KDM5A: variants seen among roughly 807,000 people sequenced by gnomAD.
KDM5A encodes lysine demethylase 5A.
A neutral mutation model predicts 193.5 loss-of-function variants in KDM5A; 42 were observed. The observed-to-expected ratio is 0.22, with a 90% CI of 0.17 to 0.28. The LOEUF is 0.28. KDM5A is among the 10% of genes least tolerant of loss of function. The pLI, the probability that KDM5A is intolerant of heterozygous loss-of-function variation, is 1.00. For missense variants in KDM5A, 1,692 were observed against 2,055.1 expected, an observed-to-expected ratio of 0.82 and a Z score of 3.42; for synonymous variants, 796 against 718.1, an observed-to-expected ratio of 1.11 and a Z score of -1.73.
rs1442186954 is a variant in KDM5A, at chr12:388,932, G to A, written c.160C>T (p.Pro54Ser). ...CTCTTCACAGACTGAGGTACCTTGG[G>A]CGGCCGAATTTTGCAGATGCCGGTT... is the stretch of plus-strand genomic sequence containing the variant. ...EKTGICKIRP[P>S]KDWQPPFACE... The change falls in exon 1 of 28, where the codon CCC becomes TCC. Residue 54 changes from proline (P) to serine (S), a missense_variant. Physicochemically the swap from Pro to Ser is moderately conservative, Grantham distance 74. Around this residue, in one of 11 missense-constraint regions of KDM5A, gnomAD observed 120 missense variants for 172.0 expected, o/e 0.70. Transcript: ENST00000399788. The A allele has an allele frequency of 6.2e-7, 1 of 1,614,220 alleles. No homozygotes were observed. The highest frequency in any genetic ancestry group is 1.7e-5 in the Admixed American group (1 of 60,030).
rs758407467 is a variant in KDM5A, at chr12:318,280, C to G, written c.2723G>C (p.Arg908Thr). The change falls in exon 19 of 28, where the codon AGA becomes ACA. Residue 908 changes from arginine to threonine, a missense_variant. Arg to Thr is a moderately conservative substitution (Grantham distance 71, BLOSUM62 -1). Transcript: ENST00000399788. ...TTGTTGCGGATCTGATAAGGTCAGT[C>G]TTACTTCGTCCAACCACCGAGCCTG... is the stretch of plus-strand genomic sequence containing the variant. ...LQQARWLDEV[R>T]LTLSDPQQVT... 9 of 1,614,008 alleles carry G rather than the reference C, an allele frequency of 5.6e-6. No individual in the cohort carries two copies. In the Admixed American group the frequency reaches 1.0e-4, roughly 18 times the overall value.
intron 24 of KDM5A, among the ~76,000 whole-genome samples, chr12:300,899 C>A (rs1358362447): frequency 6.6e-6 from 1 of 152,198 alleles, no homozygotes; most frequent in African/African-American, 2.4e-5. Flanking sequence ...ATACTATAAA[C>A]ATCTCTACCC....
intron 3 of KDM5A, among the ~76,000 whole-genome samples, chr12:381,483 A>G (rs915926808): frequency 6.6e-6 from 1 of 152,214 alleles, no homozygotes; most frequent in Non-Finnish European, 1.5e-5. Flanking sequence ...ACAGCATCAT[A>G]CAGCAAAACT....
chr12:281,716 T>C lies in KDM5A; in HGVS notation c.*3740A>G, dbSNP rs1448167367. The C allele has an allele frequency of 4.3e-6, 1 of 234,976 alleles. No homozygotes were observed. The highest frequency in any genetic ancestry group is 2.2e-5 in the African/African-American group (1 of 45,352). 14.6% of individuals were successfully genotyped at this position (234,976 alleles called of 1,614,324 possible). A position where few individuals can be genotyped will look rare whatever the true frequency, so the allele number is the denominator to read the frequency against. On this transcript the variant is annotated 3_prime_UTR_variant, in exon 28 of 28. Coordinates refer to ENST00000399788, the MANE Select transcript of KDM5A (RefSeq NM_001042603.3). ...CAAATCCCATGCCAAACTGTCACTT[T>C]TTCCCTTAAAAAGTGGATAAACCCA...
At chr12:368,421 G>A (rs764002107) in intron 3 of KDM5A, among the ~76,000 whole-genome samples, 1 of 152,152 alleles carries the variant, frequency 6.6e-6, no homozygotes, top group African/African-American at 2.4e-5. Flanking sequence ...TCAAATTTCA[G>A]TTCTGTCACT....
intron 3 of KDM5A, among the ~76,000 whole-genome samples, chr12:380,872 T>C (rs1314962212): frequency 6.6e-6 from 1 of 152,060 alleles, no homozygotes; most frequent in South Asian, 2.1e-4. Flanking sequence ...CTCAACTCAC[T>C]GCAACCTCTG....
chr12:344,294 T>C (rs977987403), intron 10 of KDM5A, among the ~76,000 whole-genome samples: 1 of 152,192 alleles, frequency 6.6e-6, no homozygotes, highest in Non-Finnish European at 1.5e-5. Context: ...ATTTGATTGG[T>C]GTACCTTAAA....
rs1943181555 is a variant in KDM5A at position 283,633 on chromosome 12, G to A, written c.*1823C>T. The A allele has an allele frequency of 1.3e-5, 3 of 233,252 alleles. No individual in the cohort carries two copies. The East Asian group carries it at 1.8e-4, about 14-fold the overall frequency. The allele number at this position is 233,252 out of a possible 1,614,324, so 14.4% of individuals were successfully genotyped here. A position where few individuals can be genotyped will look rare whatever the true frequency, so the allele number is the denominator to read the frequency against. On this transcript the variant is annotated 3_prime_UTR_variant, in exon 28 of 28. Coordinates refer to ENST00000399788, the MANE Select transcript of KDM5A (RefSeq NM_001042603.3). ...CAGTACATTTCACTTCTAGTTACTAGAAGACAGTTCTTTAAAAGAGACTGG... is the reference window on the plus strand; with the variant it reads ...CAGTACATTTCACTTCTAGTTACTAAAAGACAGTTCTTTAAAAGAGACTGG...
intron 3 of KDM5A, among the ~76,000 whole-genome samples, chr12:375,997 G>A (rs114589754): frequency 0.012 from 1,791 of 152,342 alleles, 33 homozygotes; most frequent in African/African-American, 0.04. Flanking sequence ...CCTACGAGGC[G>A]GTGCCTCCCA....
chr12:286,385 G>C (rs1014975506), intron 27 of KDM5A, among the ~76,000 whole-genome samples: 1 of 152,162 alleles, frequency 6.6e-6, no homozygotes, highest in Non-Finnish European at 1.5e-5. Context: ...CAGGAGGCTA[G>C]GAAGGGATTG....
intron 3 of KDM5A, among the ~76,000 whole-genome samples, chr12:378,890 C>T (rs910970407): frequency 4.8e-5 from 7 of 146,552 alleles, no homozygotes; most frequent in Non-Finnish European, 1.0e-4. Flanking sequence ...ACCCAGGAGG[C>T]GGAGCTTAGA....
intron 10 of KDM5A, among the ~76,000 whole-genome samples, 187 bp downstream of exon 10, chr12:350,427 CAAAAAAA>C (rs10616968): frequency 3.0e-5 from 3 of 101,190 alleles, no homozygotes; most frequent in Non-Finnish European, 6.7e-5. Context: ...GATTCCTTCT[CAAAAAAA>C]AAAAAAAAAA....
chr12:372,150 CT>C (rs1944436521), intron 3 of KDM5A, among the ~76,000 whole-genome samples: 1 of 152,154 alleles, frequency 6.6e-6, no homozygotes, highest in South Asian at 2.1e-4. Flanking sequence ...TCATTGGTAG[CT>C]TGATGGGGAT....
intron 3 of KDM5A, among the ~76,000 whole-genome samples, chr12:383,219 C>CTT (rs35783919): frequency 1.2e-4 from 18 of 147,840 alleles, no homozygotes; most frequent in African/African-American, 3.5e-4. Context: ...CAAATTTTCT[C>CTT]TTTTTTTTTT....
At chr12:323,032 T>TGA (rs2137410274) in intron 16 of KDM5A, 50 bp downstream of exon 16, 1 of 1,611,188 alleles carries the variant, frequency 6.2e-7, no homozygotes, top group East Asian at 2.2e-5. Flanking sequence ...AAAGCCTCTT[T>TGA]TAAAGTGACA....
In KDM5A at chr12:384,060, T is replaced by C; in HGVS notation, c.337A>G (p.Lys113Glu). The C allele has an allele frequency of 6.2e-7, 1 of 1,614,038 alleles. No individual in the cohort carries two copies. Among genetic ancestry groups the C allele is most frequent in the Non-Finnish European group, 8.5e-7 (1 of 1,179,880 alleles). The change falls in exon 3 of 28, where the codon AAA becomes GAA. Residue 113 changes from lysine (K) to glutamate (E), a missense_variant. This residue lies in a region of KDM5A where 120 missense variants were observed against 172.0 expected (regional missense o/e 0.70). Coordinates refer to ENST00000399788, the MANE Select transcript of KDM5A (RefSeq NM_001042603.3). ...STLKIPVVER[K>E]ILDLYALSKI... ...CTCAAAGCATACAGATCCAGGATTT[T>C]TCTCTCTACCACAGGGATCTTCAGA...
intron 10 of KDM5A, among the ~76,000 whole-genome samples, chr12:335,612 T>C (rs1338391380): frequency 6.6e-6 from 1 of 151,900 alleles, no homozygotes; most frequent in Non-Finnish European, 1.5e-5. Context: ...AAGTTAAAAA[T>C]AAAAAACCCT....
chr12:338,637 T>C (rs1001023836), intron 10 of KDM5A, among the ~76,000 whole-genome samples: 5 of 152,200 alleles, frequency 3.3e-5, no homozygotes, highest in African/African-American at 1.2e-4. Context: ...GATGATACTG[T>C]AGTCATACAA....
Position 333,649 on chromosome 12 carries a change from C to G in KDM5A, c.1491G>C (p.Trp497Cys), listed in dbSNP as rs1467665704. 1.9e-6 allele frequency: 3 copies of G among 1,614,024 alleles called. No individual in the cohort carries two copies. The highest frequency in any genetic ancestry group is 1.1e-5 in the South Asian group (1 of 91,076). ...CACCATACCATGTCTTTGGCTCCCC[C>G]CTAGCAAAAGAAGTAACTGTTTAGC... ...HWSYSINYLH[W>C]GEPKTWYGVP... The change falls in exon 12 of 28, where the codon TGG (tryptophan) becomes TGC (cysteine). Residue 497 changes from tryptophan (W) to cysteine (C), a missense_variant and splice_region_variant. Coordinates refer to ENST00000399788, the MANE Select transcript of KDM5A (RefSeq NM_001042603.3).
Sources: allele counts gnomAD v4.1 joint callset (sites outside exome capture counted in the v4.1 genomes callset), GRCh38; gene constraint gnomAD v4.1.1; regional missense constraint gnomAD v4.1.1; transcripts MANE v1.5; gene names NCBI Gene and HGNC (gene_info 2026-07-23, HGNC 2026-07-21).